Variants in CAPRIN1 observed in about 807,000 individuals in gnomAD.
CAPRIN1 encodes cell cycle associated protein 1, also known as caprin-1.
In CAPRIN1, 29 loss-of-function variants were observed where a neutral mutation model predicts 100.9. That is an observed-to-expected ratio of 0.29 (90% CI 0.21 to 0.39). The LOEUF (loss-of-function observed/expected upper bound fraction) is 0.39. Among genes scored for constraint, CAPRIN1 ranks in the 10% least tolerant of loss-of-function variants. The pLI, the probability that CAPRIN1 is intolerant of heterozygous loss-of-function variation, is 1.00. For synonymous variants in CAPRIN1, 338 were observed against 307.5 expected (o/e 1.10, Z -1.04); for missense variants, 795 against 876.7 (o/e 0.91, Z 1.18).
Position 34,090,304 on chromosome 11 carries a change from C to T in CAPRIN1, c.1404+15C>T, listed in dbSNP as rs372047007. On this transcript the variant is annotated intron_variant, in intron 13 of 18. Coordinates refer to ENST00000341394, the MANE Select transcript of CAPRIN1 (RefSeq NM_005898.5). ...ATCAGATTCAGGCAAGTTCTGTTACCGGGTCACATACATTTGATGAGGCAC... is the reference window on the plus strand; with the variant it reads ...ATCAGATTCAGGCAAGTTCTGTTACTGGGTCACATACATTTGATGAGGCAC... 55 of 1,539,326 alleles carry T rather than the reference C, an allele frequency of 3.6e-5. No homozygotes were observed. The highest frequency in any genetic ancestry group is 3.4e-4 in the Middle Eastern group (2 of 5,930).
chr11:34,090,741 T>C, intron 14 of CAPRIN1, 63 bp downstream of exon 14: 1 of 1,507,970 alleles, frequency 6.6e-7, no homozygotes, highest in Non-Finnish European at 9.2e-7. Context: ...GATTTTCTTT[T>C]CTTTTTTAAA....
At chr11:34,057,297 CTG>C (rs1449056578) in intron 2 of CAPRIN1, among the ~76,000 whole-genome samples, 1 of 152,100 alleles carries the variant, frequency 6.6e-6, no homozygotes, top group African/African-American at 2.4e-5. Flanking sequence ...CTTTGCTTGA[CTG>C]TGTGTGTTTG....
Position 34,090,302 on chromosome 11 carries a change from A to C in CAPRIN1, c.1404+13A>C. The C allele has an allele frequency of 1.3e-6, 2 of 1,548,074 alleles. No homozygotes were observed. Among genetic ancestry groups the C allele is most frequent in the Non-Finnish European group, 1.8e-6 (2 of 1,120,182 alleles). On this transcript the variant is annotated intron_variant, in intron 13 of 18. Transcript: ENST00000341394. Reference sequence around the variant, plus strand: ...TGATCAGATTCAGGCAAGTTCTGTTACCGGGTCACATACATTTGATGAGGC... The same window carrying C: ...TGATCAGATTCAGGCAAGTTCTGTTCCCGGGTCACATACATTTGATGAGGC...
chr11:34,100,508 G>T lies in CAPRIN1; in HGVS notation c.*1141G>T, dbSNP rs996181724. On this transcript the variant is annotated 3_prime_UTR_variant, in exon 19 of 19. Coordinates refer to ENST00000341394, the MANE Select transcript of CAPRIN1 (RefSeq NM_005898.5). ...AACAAATAAAACGTTTATAAAAGTT[G>T]TATCTTGAAACACTGGTGTTCAACA... 2.0e-5 allele frequency: 3 copies of T among 152,140 alleles called. No homozygotes were observed. The highest frequency in any genetic ancestry group is 7.2e-5 in the African/African-American group (3 of 41,432). 9.4% of individuals were successfully genotyped at this position (152,140 alleles called of 1,614,324 possible).
intron 2 of CAPRIN1, among the ~76,000 whole-genome samples, chr11:34,062,509 C>T (rs1273421073): frequency 6.6e-6 from 1 of 151,676 alleles, no homozygotes; most frequent in African/African-American, 2.4e-5. Flanking sequence ...CCTGTAGTCC[C>T]AGCTACTCGG....
In CAPRIN1 at chr11:34,086,149, A is replaced by T. The variant is rs764419574; in HGVS notation, c.1052A>T (p.Asp351Val). 1 of 1,614,140 alleles carries T rather than the reference A, an allele frequency of 6.2e-7. No individual in the cohort carries two copies. Among genetic ancestry groups the T allele is most frequent in the Non-Finnish European group, 8.5e-7 (1 of 1,180,002 alleles). Residue 351 changes from aspartate to valine, a missense_variant, in exon 10 of 19, where the codon GAT (aspartate) becomes GTT (valine). Around this residue, in one of 3 missense-constraint regions of CAPRIN1, gnomAD observed 648 missense variants for 697.9 expected, o/e 0.93. Transcript: ENST00000341394. ...PHSLTPVAQA[D>V]PLVRRQRVQD... is the part of the protein sequence containing the mutation. ...TCTTTGACTCCAGTGGCTCAGGCAGATCCCCTTGTGAGAAGACAGCGAGTA... is the reference window on the plus strand; with the variant it reads ...TCTTTGACTCCAGTGGCTCAGGCAGTTCCCCTTGTGAGAAGACAGCGAGTA...
intron 15 of CAPRIN1, among the ~76,000 whole-genome samples, chr11:34,095,088 G>C (rs1263234457): frequency 6.6e-6 from 1 of 151,920 alleles, no homozygotes; most frequent in African/African-American, 2.4e-5. Context: ...GTTGAGATGG[G>C]GTCTCACTGT....
At chr11:34,065,628 A>G (rs2134095708) in intron 2 of CAPRIN1, among the ~76,000 whole-genome samples, 2 of 152,314 alleles carry the variant, frequency 1.3e-5, no homozygotes, top group African/African-American at 4.8e-5. Context: ...ATAATAGTGA[A>G]ACAAAGTCCT....
At position 34,052,458 on chromosome 11, in the gene CAPRIN1, A is replaced by G; in HGVS notation, c.38A>G (p.Lys13Arg). The change falls in exon 2 of 19, where the codon AAG becomes AGG. Residue 13 changes from lysine (K) to arginine (R), a missense_variant. By Grantham distance (26) the Lys-to-Arg change is conservative. Around this residue, in one of 3 missense-constraint regions of CAPRIN1, gnomAD observed 109 missense variants for 86.6 expected, o/e 1.26. Transcript: ENST00000341394. ...ACCAGCCACAGCGGGAGCGGCAGCAAGTCGTCCGGACCGCCACCGCCGTCG... is the reference window on the plus strand; with the variant it reads ...ACCAGCCACAGCGGGAGCGGCAGCAGGTCGTCCGGACCGCCACCGCCGTCG... ...SATSHSGSGS[K>R]SSGPPPPSGS... 1 of 1,606,568 alleles carries G rather than the reference A, an allele frequency of 6.2e-7. No individual in the cohort carries two copies. Among genetic ancestry groups the G allele is most frequent in the Non-Finnish European group, 8.5e-7 (1 of 1,178,496 alleles).
intron 2 of CAPRIN1, chr11:34,053,783 G>A (rs1304714195): frequency 6.6e-6 from 1 of 152,200 alleles, no homozygotes. Context: ...TCTGGGCAGA[G>A]TGAATAATTA....
At chr11:34,068,071 A>T (rs1446892515) in intron 2 of CAPRIN1, among the ~76,000 whole-genome samples, 1 of 152,184 alleles carries the variant, frequency 6.6e-6, no homozygotes, top group Non-Finnish European at 1.5e-5. Context: ...CTGTTCGATG[A>T]CACTGGGGGC....
intron 4 of CAPRIN1, among the ~76,000 whole-genome samples, chr11:34,072,383 A>G (rs1278427321): frequency 6.6e-6 from 1 of 152,090 alleles, no homozygotes; most frequent in East Asian, 1.9e-4. Context: ...TTTGACAACC[A>G]TGTATAGTAG....
chr11:34,099,215 C>T, intron 18 of CAPRIN1, 88 bp from the exon 19 acceptor site: 1 of 1,559,002 alleles, frequency 6.4e-7, no homozygotes. Context: ...AGGCTGCCCA[C>T]ATGCTTCTTG....
intron 6 of CAPRIN1, among the ~76,000 whole-genome samples, chr11:34,078,731 T>G (rs1273138244): frequency 6.6e-6 from 1 of 152,216 alleles, no homozygotes; most frequent in Non-Finnish European, 1.5e-5. Context: ...CTTCCTTTCC[T>G]TTTCTTGTAT....
At chr11:34,089,354 T>A (rs1270277578) in intron 11 of CAPRIN1, 41 bp from the exon 12 acceptor site, 1 of 1,311,438 alleles carries the variant, frequency 7.6e-7, no homozygotes, top group Non-Finnish European at 1.1e-6. Context: ...TCTCTAAAAA[T>A]TTAATTTTGT....
At chr11:34,093,261 T>C (rs1392231016) in intron 15 of CAPRIN1, among the ~76,000 whole-genome samples, 1 of 151,744 alleles carries the variant, frequency 6.6e-6, no homozygotes, top group Non-Finnish European at 1.5e-5. Flanking sequence ...AGTGGTGTAA[T>C]CAGATACTGG....
chr11:34,052,660 G>A lies in CAPRIN1; in HGVS notation c.216+24G>A, dbSNP rs1425843339. 3 of 1,585,912 alleles carry A rather than the reference G, an allele frequency of 1.9e-6. No homozygotes were observed. The East Asian group carries it at 6.8e-5, about 36-fold the overall frequency. ...AGGTGCCAGGAGTTGGCGGGGAAGG[G>A]AGGGGTGGCTGCGGCCGGGCTCTGC... On this transcript the variant is annotated intron_variant, in intron 2 of 18. Coordinates refer to ENST00000341394, the MANE Select transcript of CAPRIN1 (RefSeq NM_005898.5).
At chr11:34,071,636 C>G in intron 2 of CAPRIN1, 90 bp from the exon 3 acceptor site, 1 of 874,482 alleles carries the variant, frequency 1.1e-6, no homozygotes, top group Non-Finnish European at 1.8e-6. Flanking sequence ...TTGAGACAAA[C>G]TTAGAGGATT....
chr11:34,098,082 A>G (rs899522964), intron 18 of CAPRIN1: 1 of 1,032,634 alleles, frequency 9.7e-7, no homozygotes, highest in African/African-American at 1.7e-5. Context: ...TTACTGAAAC[A>G]TTTTTGTAAG....
Sources: allele counts gnomAD v4.1 joint callset (sites outside exome capture counted in the v4.1 genomes callset), GRCh38; gene constraint gnomAD v4.1.1; regional missense constraint gnomAD v4.1.1; transcripts MANE v1.5; gene names NCBI Gene and HGNC (gene_info 2026-07-23, HGNC 2026-07-21).